Variants in CARD14 observed in about 807,000 individuals in gnomAD.
The protein encoded by CARD14 is caspase recruitment domain family member 14.
In CARD14, 107 loss-of-function variants were observed where a neutral mutation model predicts 111.5. The ratio of observed to expected loss-of-function variants is 0.96; its 90% CI spans 0.82 to 1.13. The LOEUF (loss-of-function observed/expected upper bound fraction) is 1.13, where lower values mean the gene tolerates loss of function less well. CARD14 is among the 50% of genes most tolerant of loss of function. The probability of loss-of-function intolerance (pLI) is 0.00; values close to 1 mark genes in which losing one functional copy is unlikely to be tolerated. For synonymous variants in CARD14, 617 were observed against 579.6 expected (o/e 1.06, Z -0.93); for missense variants, 1,322 against 1,362.3 (o/e 0.97, Z 0.47).
intron 10 of CARD14, 134 bp from the exon 11 acceptor site, chr17:80,191,187 CTT>C (rs2040514853): frequency 2.7e-6 from 3 of 1,126,772 alleles, no homozygotes; most frequent in Non-Finnish European, 3.8e-6. Flanking sequence ...TGAAATGAAT[CTT>C]AAGTTTGCAC....
chr17:80,175,935 C>T (rs1253361846), intron 2 of CARD14, among the ~76,000 whole-genome samples: 1 of 124,688 alleles, frequency 8.0e-6, no homozygotes. Flanking sequence ...GGTGGGATTG[C>T]CAGCTGCTCT....
rs139595123 is a variant in CARD14, at chr17:80,204,320, T to C, written c.2377T>C (p.Leu793=). Residue 793 remains leucine (L), a synonymous_variant, in exon 20 of 24, where the codon TTG becomes CTG. Coordinates refer to ENST00000648509, the MANE Select transcript of CARD14 (RefSeq NM_001366385.1). Reference sequence around the variant, plus strand: ...GCGTTTGTCCTTTGACAGGGGCCAGTTGGACCCCAGCAGGATGGAGGGTGA... The same window carrying C: ...GCGTTTGTCCTTTGACAGGGGCCAGCTGGACCCCAGCAGGATGGAGGGTGA... ...PLRLSFDRGQ[L]DPSRMEGSST... The C allele has an allele frequency of 3.2e-6, 5 of 1,586,144 alleles. No homozygotes were observed. The African/African-American group carries it at 4.0e-5, about 13-fold the overall frequency.
intron 7 of CARD14, among the ~76,000 whole-genome samples, chr17:80,185,629 G>T (rs938941608): frequency 6.6e-6 from 1 of 152,054 alleles, no homozygotes; most frequent in Admixed American, 6.6e-5. Flanking sequence ...CTGTGTTCTG[G>T]TTTTCTCATC....
intron 12 of CARD14, among the ~76,000 whole-genome samples, chr17:80,193,799 C>T (rs1224862184): frequency 2.6e-5 from 4 of 152,160 alleles, no homozygotes; most frequent in Non-Finnish European, 5.9e-5. Flanking sequence ...TGCTGGGCCT[C>T]CCTGGGCCAG....
chr17:80,208,398 A>C lies in CARD14; in HGVS notation c.*53A>C. Reference sequence around the variant, plus strand: ...GGGGCTTCTGTGTGCCTGTTAATGCAGTCCTGTTCCTCAGCCCAGGCCCTC... The same window carrying C: ...GGGGCTTCTGTGTGCCTGTTAATGCCGTCCTGTTCCTCAGCCCAGGCCCTC... On this transcript the variant is annotated 3_prime_UTR_variant, in exon 24 of 24. Transcript: ENST00000648509. 1 of 1,463,114 alleles carries C rather than the reference A, an allele frequency of 6.8e-7. No homozygotes were observed. The allele number at this position is 1,463,114 out of a possible 1,614,324, so 90.6% of individuals were successfully genotyped here.
chr17:80,206,320 A>G (rs2041304383), intron 22 of CARD14, among the ~76,000 whole-genome samples: 1 of 152,234 alleles, frequency 6.6e-6, no homozygotes, highest in Non-Finnish European at 1.5e-5. Flanking sequence ...AAAAATAAAA[A>G]GAGAAGAAAG....
rs372935620 is a variant in CARD14 at position 80,181,869 on chromosome 17, G to T, written c.211+220G>T. Reference sequence around the variant, plus strand: ...TTCCCAAAAAAGGTCATCTGGACAGGTTCCAGGTGGATGTGTCTTTGAAGG... The same window carrying T: ...TTCCCAAAAAAGGTCATCTGGACAGTTTCCAGGTGGATGTGTCTTTGAAGG... On this transcript the variant is annotated intron_variant, in intron 5 of 23. Coordinates refer to ENST00000648509, the MANE Select transcript of CARD14 (RefSeq NM_001366385.1). Among the ~76,000 whole-genome samples, 65 of 152,328 alleles carry T rather than the reference G, an allele frequency of 4.3e-4. 1 individual carries two copies. In the South Asian group the frequency reaches 6.4e-3, roughly 15 times the overall value.
chr17:80,184,446 C>T (rs1460584388), intron 7 of CARD14, among the ~76,000 whole-genome samples: 1 of 152,166 alleles, frequency 6.6e-6, no homozygotes, highest in Non-Finnish European at 1.5e-5. Context: ...GCCTGCATGG[C>T]GACGAGGTGT....
In CARD14 at chr17:80,203,803, C is replaced by A; in HGVS notation, c.2220-19C>A. 13 of 1,557,068 alleles carry A rather than the reference C, an allele frequency of 8.3e-6. No homozygotes were observed. Among genetic ancestry groups the A allele is most frequent in the Non-Finnish European group, 1.1e-5 (13 of 1,149,676 alleles). ...CTGGCAGGAGGCAGCTGGGTCAGGG[C>A]CTCTGCTGGTCTCTGCAGGGCTCAG... On this transcript the variant is annotated intron_variant, in intron 18 of 23. Coordinates refer to ENST00000648509, the MANE Select transcript of CARD14 (RefSeq NM_001366385.1). This position sits in a 1 kb window ranked among gnomAD's most constrained non-coding sequence, Gnocchi z 4.6.
In CARD14 at chr17:80,182,578, G is replaced by C. The variant is rs1422754109; in HGVS notation, c.212-75G>C. ...TTTCCCAGCCCCAGGCCTCTCCCCC[G>C]TGGGGAAGCCAGCCAGGGAGCCCAG... On this transcript the variant is annotated intron_variant, in intron 5 of 23. Coordinates refer to ENST00000648509, the MANE Select transcript of CARD14 (RefSeq NM_001366385.1). The surrounding 1 kb of genome is among the most constrained non-coding windows in gnomAD (Gnocchi z 4.7). The C allele has an allele frequency of 3.8e-6, 6 of 1,566,198 alleles. No individual in the cohort carries two copies. In the East Asian group the frequency reaches 6.9e-5, roughly 18 times the overall value.
At chr17:80,204,427 C>T in intron 20 of CARD14, 86 bp downstream of exon 20, 1 of 1,296,830 alleles carries the variant, frequency 7.7e-7, no homozygotes, top group Non-Finnish European at 1.0e-6. Flanking sequence ...TCAGCTGGGG[C>T]AGGGGGATGC....
chr17:80,192,581 A>G lies in CARD14; in HGVS notation c.1318A>G (p.Arg440Gly). 3 of 1,613,452 alleles carry G rather than the reference A, an allele frequency of 1.9e-6. No individual in the cohort carries two copies. Among genetic ancestry groups the G allele is most frequent in the Non-Finnish European group, 2.5e-6 (3 of 1,179,934 alleles). ...RLVRMHAICP[R>G]DDSDCSLVSS... ...GGTGCGGATGCATGCCATCTGCCCCAGAGACGACAGCGACTGCAGCCTCGT... is the reference window on the plus strand; with the variant it reads ...GGTGCGGATGCATGCCATCTGCCCCGGAGACGACAGCGACTGCAGCCTCGT... The change falls in exon 12 of 24, where the codon AGA becomes GGA. Residue 440 changes from arginine to glycine, a missense_variant. Physicochemically the swap from Arg to Gly is moderately radical, Grantham distance 125. Transcript: ENST00000648509.
At chr17:80,202,445 G>A (rs751816944) in intron 18 of CARD14, 25 bp downstream of exon 18, 14 of 1,603,808 alleles carry the variant, frequency 8.7e-6, no homozygotes, top group African/African-American at 4.0e-5. Context: ...CGAGCTCGGT[G>A]CGTCCCCAGA....
At chr17:80,173,573 C>G (rs1216702658) in intron 2 of CARD14, among the ~76,000 whole-genome samples, 1 of 151,366 alleles carries the variant, frequency 6.6e-6, no homozygotes, top group South Asian at 2.1e-4. Flanking sequence ...AGGAGCTGGG[C>G]TAACTCATAG....
intron 12 of CARD14, among the ~76,000 whole-genome samples, chr17:80,193,417 C>G (rs8074842): frequency 0.2 from 15,319 of 76,904 alleles, 2,153 homozygotes; most frequent in African/African-American, 0.23. Flanking sequence ...ACCTGGCACA[C>G]ATGGTCCCTG....
chr17:80,205,528 TA>T lies in CARD14; in HGVS notation c.2570-2del. ...TGATGGCCCCGTCCAATGTCACCTG[TA>T]GAGTACTTGAGCCAGGAGGAGTATG... On this transcript the variant is annotated splice_acceptor_variant, in intron 21 of 23. Coordinates refer to ENST00000648509, the MANE Select transcript of CARD14 (RefSeq NM_001366385.1). LOFTEE classifies it high-confidence loss of function. The T allele has an allele frequency of 6.3e-7, 1 of 1,584,596 alleles. No homozygotes were observed. Among genetic ancestry groups the T allele is most frequent in the Non-Finnish European group, 8.6e-7 (1 of 1,164,688 alleles).
rs753456472 is a variant in CARD14, at chr17:80,184,098, C to G, written c.535C>G (p.Arg179Gly). 6.3e-7 allele frequency: 1 copy of G among 1,581,126 alleles called. No homozygotes were observed. Among genetic ancestry groups the G allele is most frequent in the African/African-American group, 1.3e-5 (1 of 74,458 alleles). Residue 179 changes from arginine (R) to glycine (G), a missense_variant, in exon 7 of 24, where the codon CGC (arginine) becomes GGC (glycine). Physicochemically the swap from Arg to Gly is moderately radical, Grantham distance 125 (BLOSUM62 -2). Transcript: ENST00000648509. ...GCACCAGCTGGAGGCTGACCACAGC[C>G]GCATGAAGCGTGAGGTTAGCGCACA... ...GLHQLEADHS[R>G]MKREVSAHFH...
intron 2 of CARD14, among the ~76,000 whole-genome samples, chr17:80,174,754 T>C (rs548436972): frequency 2.6e-5 from 4 of 152,052 alleles, no homozygotes; most frequent in African/African-American, 9.7e-5. Context: ...TACAGCCCCC[T>C]CCCCACTCCT....
chr17:80,197,731 G>A (rs1199749646), intron 14 of CARD14, among the ~76,000 whole-genome samples: 1 of 152,220 alleles, frequency 6.6e-6, no homozygotes, highest in African/African-American at 2.4e-5. Flanking sequence ...CAGATTTTAG[G>A]TGAAACCTCC....
Sources: allele counts gnomAD v4.1 joint callset (sites outside exome capture counted in the v4.1 genomes callset), GRCh38; gene constraint gnomAD v4.1.1; non-coding constraint Gnocchi (gnomAD v3.1); transcripts MANE v1.5; gene names NCBI Gene and HGNC (gene_info 2026-07-23, HGNC 2026-07-21).